The following CNTN5 variants were observed in gnomAD, a reference collection of about 807,000 sequenced individuals.
CNTN5 encodes contactin-5.
Under a neutral mutation model 129.1 loss-of-function variants are expected in CNTN5, and 77 were observed. That is an observed-to-expected ratio of 0.60 (90% confidence interval 0.50 to 0.72). CNTN5 has a LOEUF of 0.72. Among genes scored for constraint, CNTN5 ranks in the 30% least tolerant of loss-of-function variants. The probability of loss-of-function intolerance (pLI) is 0.00; values close to 1 mark genes in which losing one functional copy is unlikely to be tolerated. For missense variants in CNTN5, 1,478 were observed against 1,328.8 expected (o/e 1.11, Z -1.75); for synonymous variants, 509 against 465.6 (o/e 1.09, Z -1.20).
At chr11:99,558,979 T>A (rs188820019) in intron 3 of CNTN5, among the ~76,000 whole-genome samples, 7 of 152,248 alleles carry the variant, frequency 4.6e-5, no homozygotes, top group African/African-American at 1.7e-4. Flanking sequence ...TCAAGAATGA[T>A]TATGTTCAAA....
intron 3 of CNTN5, among the ~76,000 whole-genome samples, chr11:99,696,417 C>T (rs1459214554): frequency 6.6e-6 from 1 of 152,026 alleles, no homozygotes; most frequent in Admixed American, 6.6e-5. Flanking sequence ...GGAAAGTCCT[C>T]AGCAAGACAA....
intron 3 of CNTN5, among the ~76,000 whole-genome samples, chr11:99,785,775 G>T (rs908246893): frequency 2.0e-5 from 3 of 152,188 alleles, no homozygotes; most frequent in African/African-American, 7.2e-5. Context: ...CTCAATAGAT[G>T]TAGAAAAAGC....
chr11:100,180,513 T>C (rs1227417745), intron 13 of CNTN5, among the ~76,000 whole-genome samples: 1 of 151,938 alleles, frequency 6.6e-6, no homozygotes, highest in Non-Finnish European at 1.5e-5. Flanking sequence ...CAATGTAATA[T>C]TGTAAAAATT....
At position 99,819,594 on chromosome 11, in the gene CNTN5, A is replaced by G. The variant is rs201084279; in HGVS notation, c.106A>G (p.Arg36Gly). ...CTCCACTTCATATGCTGCTTTGTTA[A>G]GAATTAAGAAGAGTTCATCTTCATC... ...GLSTSYAALLRIKKSSSSSLF... is the reference protein window; with the variant it reads ...GLSTSYAALLGIKKSSSSSLF... Residue 36 changes from arginine (R) to glycine (G), a missense_variant, in exon 4 of 25, where the codon AGA becomes GGA. Arg to Gly is a moderately radical substitution (Grantham distance 125). Coordinates refer to ENST00000524871, the MANE Select transcript of CNTN5 (RefSeq NM_014361.4). The G allele has an allele frequency of 8.7e-5, 140 of 1,612,724 alleles. No homozygotes were observed. The highest frequency in any genetic ancestry group is 1.2e-4 in the Non-Finnish European group (136 of 1,179,742).
intron 1 of CNTN5, among the ~76,000 whole-genome samples, chr11:99,191,011 C>T (rs1024008448): frequency 7.9e-5 from 12 of 151,530 alleles, no homozygotes; most frequent in Non-Finnish European, 1.6e-4. Flanking sequence ...TGTTGAGGTA[C>T]ATTCCTTCTA....
chr11:100,154,119 G>A (rs966933883), intron 13 of CNTN5, among the ~76,000 whole-genome samples: 8 of 151,842 alleles, frequency 5.3e-5, no homozygotes, highest in Admixed American at 2.0e-4. Flanking sequence ...CCCCAACCCC[G>A]AACAAGCCCC....
At chr11:99,836,986 C>T (rs527957555) in intron 4 of CNTN5, among the ~76,000 whole-genome samples, 53 of 152,220 alleles carry the variant, frequency 3.5e-4, no homozygotes, top group African/African-American at 1.3e-3. Context: ...ACTCTCATGG[C>T]TGTTTTTGTT....
At chr11:100,200,972 A>T (rs1251620020) in intron 15 of CNTN5, among the ~76,000 whole-genome samples, 1 of 151,924 alleles carries the variant, frequency 6.6e-6, no homozygotes, top group Non-Finnish European at 1.5e-5. Flanking sequence ...GTTTTTAATA[A>T]TCCTATATTC....
At chr11:99,926,436 C>A (rs556709586) in intron 7 of CNTN5, among the ~76,000 whole-genome samples, 9 of 152,154 alleles carry the variant, frequency 5.9e-5, no homozygotes, top group African/African-American at 2.2e-4. Flanking sequence ...GAAATTGTTC[C>A]TTTAAAGCTA....
At chr11:100,003,476 G>GTT (rs1306005871) in intron 9 of CNTN5, among the ~76,000 whole-genome samples, 1 of 152,114 alleles carries the variant, frequency 6.6e-6, no homozygotes, top group East Asian at 1.9e-4. Context: ...GAAGACAAGG[G>GTT]TTTTAGTGTA....
intron 2 of CNTN5, among the ~76,000 whole-genome samples, chr11:99,331,982 C>T (rs1866019410): frequency 6.6e-6 from 1 of 152,026 alleles, no homozygotes; most frequent in African/African-American, 2.4e-5. Flanking sequence ...CCAGATGAAA[C>T]ATCCCAGCCA....
At chr11:99,863,425 T>C (rs1948269022) in intron 6 of CNTN5, among the ~76,000 whole-genome samples, 1 of 152,030 alleles carries the variant, frequency 6.6e-6, no homozygotes, top group African/African-American at 2.4e-5. Context: ...ATTTGTCAAT[T>C]AATAGAGCAC....
At chr11:100,173,882 T>A (rs758405491) in intron 13 of CNTN5, among the ~76,000 whole-genome samples, 21 of 152,046 alleles carry the variant, frequency 1.4e-4, no homozygotes, top group Non-Finnish European at 2.4e-4. Flanking sequence ...CCTACTTTGA[T>A]ACACAGAGAA....
At chr11:99,257,376 T>C (rs1248458892) in intron 1 of CNTN5, among the ~76,000 whole-genome samples, 1 of 152,078 alleles carries the variant, frequency 6.6e-6, no homozygotes, top group African/African-American at 2.4e-5. Context: ...GATGAAGACA[T>C]GTCTACAAAC....
At chr11:100,288,503 TGAC>T (rs1950858649) in intron 18 of CNTN5, among the ~76,000 whole-genome samples, 1 of 152,170 alleles carries the variant, frequency 6.6e-6, no homozygotes, top group Non-Finnish European at 1.5e-5. Context: ...TGCTCCTGAA[TGAC>T]TACTGGGTAC....
intron 3 of CNTN5, among the ~76,000 whole-genome samples, chr11:99,652,307 G>A (rs1011574841): frequency 6.6e-6 from 1 of 152,102 alleles, no homozygotes; most frequent in South Asian, 2.1e-4. Flanking sequence ...AGTGCCAGCA[G>A]GGCAATCTAT....
chr11:99,652,978 T>TG (rs1375360043), intron 3 of CNTN5, among the ~76,000 whole-genome samples: 2 of 152,054 alleles, frequency 1.3e-5, no homozygotes, highest in African/African-American at 4.8e-5. Flanking sequence ...ATATAAACCT[T>TG]GGGGTAAGCT....
rs1335649899 is a variant in CNTN5, at chr11:99,777,800, A to G, written c.56-41744A>G. Among the ~76,000 whole-genome samples the G allele has an allele frequency of 1.3e-5, 2 of 151,774 alleles. 1 individual carries two copies. The highest frequency in any genetic ancestry group is 3.9e-4 in the East Asian group (2 of 5,134). On this transcript the variant is annotated intron_variant, in intron 3 of 24. Coordinates refer to ENST00000524871, the MANE Select transcript of CNTN5 (RefSeq NM_014361.4). ...AATTATACAATTCCACTTTTACATG[A>G]TATTTTATAGTTTATGGATTACTTT...
chr11:99,973,541 C>T (rs947822545), intron 8 of CNTN5, among the ~76,000 whole-genome samples: 24 of 152,094 alleles, frequency 1.6e-4, no homozygotes, highest in African/African-American at 4.6e-4. Flanking sequence ...TGATTTTTCT[C>T]TGAATATCCA....
Sources: allele counts gnomAD v4.1 joint callset (sites outside exome capture counted in the v4.1 genomes callset), GRCh38; gene constraint gnomAD v4.1.1; transcripts MANE v1.5; gene names NCBI Gene and HGNC (gene_info 2026-07-23, HGNC 2026-07-21).